Variants in HSPG2 observed in about 807,000 individuals in gnomAD.
HSPG2 encodes the protein basement membrane-specific heparan sulfate proteoglycan core protein.
HSPG2 carries 278 observed loss-of-function variants against 526.6 expected under a neutral mutation model. The observed-to-expected ratio is 0.53, with a 90% CI of 0.48 to 0.58. HSPG2 has a LOEUF of 0.58. Ranked by LOEUF, HSPG2 falls within the 20% of genes least tolerant of loss-of-function variation. The pLI, the probability that HSPG2 is intolerant of heterozygous loss-of-function variation, is 0.00. For synonymous variants in HSPG2, 2,465 were observed against 2,555.4 expected (o/e 0.96, Z 1.07); for missense variants, 5,354 against 6,099.5 (o/e 0.88, Z 4.07).
intron 1 of HSPG2, among the ~76,000 whole-genome samples, chr1:21,921,198 A>G (rs1644029374): frequency 6.6e-6 from 1 of 152,194 alleles, no homozygotes. Flanking sequence ...TGACTTGCCC[A>G]AGGTCATACA....
Position 21,848,751 on chromosome 1 carries a change from G to A in HSPG2, c.7629C>T (p.Ala2543=), listed in dbSNP as rs769873574. ...CCAGGGTGTGTCCATTGGCCAGGGA[G>A]GCTGAGGAGGACTCGATGCGGACGG... is the stretch of plus-strand genomic sequence containing the variant. ...AYPVRIESSS[A]SLANGHTLDL... The change falls in exon 59 of 97, where the codon GCC becomes GCT. Residue 2543 remains alanine, a synonymous_variant. Transcript: ENST00000374695. This position sits in a 1 kb window ranked among gnomAD's most constrained non-coding sequence, Gnocchi z 4.9. 6.2e-7 allele frequency: 1 copy of A among 1,614,012 alleles called. No homozygotes were observed. The highest frequency in any genetic ancestry group is 2.2e-5 in the East Asian group (1 of 44,864).
At position 21,831,724 on chromosome 1, in the gene HSPG2, C is replaced by T; in HGVS notation, c.11280G>A (p.Val3760=). 1 of 1,606,262 alleles carries T rather than the reference C, an allele frequency of 6.2e-7. No individual in the cohort carries two copies. The highest frequency in any genetic ancestry group is 1.1e-5 in the South Asian group (1 of 90,096). ...TPLALGHFHT[V]TLLRSLTQGS... ...CCTGGGTGAGGCTGCGCAGCAGGGT[C>T]ACGGTGTGGAAATGGCCCAGGGCCA... Residue 3760 remains valine (V), a synonymous_variant, in exon 82 of 97, where the codon GTG becomes GTA. Transcript: ENST00000374695.
Position 21,858,059 on chromosome 1 carries a change from T to C in HSPG2, c.5294-674A>G, listed in dbSNP as rs4654991. On this transcript the variant is annotated intron_variant, in intron 42 of 96. Coordinates refer to ENST00000374695, the MANE Select transcript of HSPG2 (RefSeq NM_005529.7). This position sits in a 1 kb window ranked among gnomAD's most constrained non-coding sequence, Gnocchi z 4.2. ...TTCCGAAAACTCCCCCTTGACCTCA[T>C]GCTCTCGCAGTCAATGACCCACTTC... Among the ~76,000 whole-genome samples, 25,477 of 152,152 alleles carry C rather than the reference T, an allele frequency of 0.17. 2,431 individuals are homozygous for C. The highest frequency in any genetic ancestry group is 0.36 in the East Asian group (1,877 of 5,166).
chr1:21,916,567 C>T (rs2152793757), intron 1 of HSPG2, among the ~76,000 whole-genome samples: 1 of 151,312 alleles, frequency 6.6e-6, no homozygotes, highest in East Asian at 1.9e-4. Flanking sequence ...TGGTGTGTGC[C>T]TGTAATCCCC....
chr1:21,879,642 G>A (rs1285613620), intron 17 of HSPG2, among the ~76,000 whole-genome samples: 1 of 121,276 alleles, frequency 8.2e-6, no homozygotes, highest in Admixed American at 9.8e-5. Flanking sequence ...TTGTCTGGAT[G>A]CTGTATCTCT....
Position 21,857,019 on chromosome 1 carries a change from CACATGT to C in HSPG2, c.5565_5570del (p.His1856_Val1857del). ...AGGTATAGATGGGAGGTGTACCCTG[CACATGT>C]AGAGTGGCTGTGCCCTGGTCCATGG... On this transcript the variant is annotated inframe_deletion, in exon 44 of 97. Transcript: ENST00000374695. The C allele has an allele frequency of 6.2e-7, 1 of 1,614,104 alleles. No homozygotes were observed. The highest frequency in any genetic ancestry group is 8.5e-7 in the Non-Finnish European group (1 of 1,179,978).
intron 1 of HSPG2, among the ~76,000 whole-genome samples, chr1:21,901,735 A>T (rs1298453583): frequency 1.3e-5 from 2 of 152,082 alleles, no homozygotes; most frequent in African/African-American, 2.4e-5. Context: ...GGCTCCAGGC[A>T]TGTGGGGATG....
intron 52 of HSPG2, 152 bp downstream of exon 52, chr1:21,852,548 T>C: frequency 6.5e-6 from 7 of 1,084,610 alleles, no homozygotes; most frequent in Non-Finnish European, 9.7e-6. Context: ...AGGCGGTGGT[T>C]ACTCTGACAG....
intron 86 of HSPG2, 83 bp from the exon 87 acceptor site, chr1:21,829,687 C>T: frequency 8.3e-7 from 1 of 1,208,492 alleles, no homozygotes; most frequent in South Asian, 1.4e-5. Context: ...CCTCTGGGAC[C>T]CTTGCCTGCC....
rs1317955333 is a variant in HSPG2, at chr1:21,847,467, T to C, written c.8051A>G (p.His2684Arg). The change falls in exon 62 of 97, where the codon CAC becomes CGC. Residue 2684 changes from histidine to arginine, a missense_variant. Physicochemically the swap from His to Arg is conservative, Grantham distance 29. Coordinates refer to ENST00000374695, the MANE Select transcript of HSPG2 (RefSeq NM_005529.7). This position sits in a 1 kb window ranked among gnomAD's most constrained non-coding sequence, Gnocchi z 4.1. ...HQTHGSHLRLHQMSVADSGEY... is the reference protein window; with the variant it reads ...HQTHGSHLRLRQMSVADSGEY... ...GCCCGAGTCAGCCACAGACATTTGG[T>C]GCAACCGCAGGTGGGAGCCATGGGT... 6.2e-6 allele frequency: 10 copies of C among 1,613,592 alleles called. No individual in the cohort carries two copies. Among genetic ancestry groups the C allele is most frequent in the Admixed American group, 3.3e-5 (2 of 60,000 alleles).
chr1:21,823,372 G>A lies in HSPG2; in HGVS notation c.13120C>T (p.Leu4374=). Residue 4374 remains leucine, a synonymous_variant, in exon 97 of 97, where the codon CTG becomes TTG. Coordinates refer to ENST00000374695, the MANE Select transcript of HSPG2 (RefSeq NM_005529.7). ...GCCTGGGCGCGGTGCTGCAGGTCCA[G>A]GGGCTGTGGGGGCGGGGCGCCGGGT... ...ARPGAPPPQP[L]DLQHRAQAGA... is the part of the protein sequence containing the mutation. 2 of 1,550,764 alleles carry A rather than the reference G, an allele frequency of 1.3e-6. No homozygotes were observed. The highest frequency in any genetic ancestry group is 8.7e-7 in the Non-Finnish European group (1 of 1,152,412).
In HSPG2 at chr1:21,828,819, A is replaced by G. The variant is rs749159655; in HGVS notation, c.12237+16T>C. ...CACCCCTCCCCTCCCGCTTGTCCCG[A>G]GGAGGCTGCTCTTACCTCGCCCACA... On this transcript the variant is annotated intron_variant, in intron 88 of 96. Coordinates refer to ENST00000374695, the MANE Select transcript of HSPG2 (RefSeq NM_005529.7). This position sits in a 1 kb window ranked among gnomAD's most constrained non-coding sequence, Gnocchi z 6.0. 1.9e-6 allele frequency: 3 copies of G among 1,549,266 alleles called. No homozygotes were observed. The highest frequency in any genetic ancestry group is 1.7e-4 in the Middle Eastern group (1 of 5,888).
In HSPG2 at chr1:21,851,889, G is replaced by A; in HGVS notation, c.6908C>T (p.Pro2303Leu). The A allele has an allele frequency of 6.2e-7, 1 of 1,611,374 alleles. No homozygotes were observed. The highest frequency in any genetic ancestry group is 8.5e-7 in the Non-Finnish European group (1 of 1,179,228). Reference protein sequence around the residue: ...GSRLYIFQASPADAGQYVCRA... With the variant: ...GSRLYIFQASLADAGQYVCRA... ...GCAGACGTACTGTCCCGCATCGGCA[G>A]GTGAGGCCTGGAAGATGTACAGGCG... is the stretch of plus-strand genomic sequence containing the variant. The change falls in exon 54 of 97, where the codon CCT becomes CTT. Residue 2303 changes from proline (P) to leucine (L), a missense_variant. Physicochemically the swap from Pro to Leu is moderately conservative, Grantham distance 98. Coordinates refer to ENST00000374695, the MANE Select transcript of HSPG2 (RefSeq NM_005529.7).
intron 42 of HSPG2, 126 bp from the exon 43 acceptor site, chr1:21,857,511 C>T: frequency 1.2e-6 from 1 of 841,234 alleles, no homozygotes; most frequent in Non-Finnish European, 1.9e-6. Flanking sequence ...CTCATTCTAC[C>T]CCCTGGCACC....
intron 65 of HSPG2, among the ~76,000 whole-genome samples, chr1:21,843,678 G>A (rs991095403): frequency 8.6e-5 from 13 of 151,962 alleles, no homozygotes; most frequent in Non-Finnish European, 1.3e-4. Flanking sequence ...ACAGTGTCTC[G>A]CTCTGTCATC....
At chr1:21,910,274 C>A (rs1378789292) in intron 1 of HSPG2, among the ~76,000 whole-genome samples, 1 of 152,226 alleles carries the variant, frequency 6.6e-6, no homozygotes, top group East Asian at 1.9e-4. Flanking sequence ...GTAAGACCTT[C>A]CTGAAATTGT....
At position 21,852,721 on chromosome 1, in the gene HSPG2, T is replaced by C. The variant is rs1478294938; in HGVS notation, c.6703A>G (p.Ile2235Val). 3.7e-6 allele frequency: 6 copies of C among 1,613,416 alleles called. No homozygotes were observed. Among genetic ancestry groups the C allele is most frequent in the Admixed American group, 1.7e-5 (1 of 60,006 alleles). The change falls in exon 52 of 97, where the codon ATC becomes GTC. Residue 2235 changes from isoleucine to valine, a missense_variant. Ile to Val is a conservative substitution (Grantham distance 29, BLOSUM62 3). Coordinates refer to ENST00000374695, the MANE Select transcript of HSPG2 (RefSeq NM_005529.7). The stretch of plus-strand genomic sequence containing the variant: ...TCACCAGGGATGACAGAGGCTTCGA[T>C]GGTGACCAGGACTGAGGCCTCTAGG... ...GPLEASVLVTIEASVIPGPIP... is the reference protein window; with the variant it reads ...GPLEASVLVTVEASVIPGPIP...
At chr1:21,925,622 G>A (rs1246989758) in intron 1 of HSPG2, among the ~76,000 whole-genome samples, 2 of 152,146 alleles carry the variant, frequency 1.3e-5, no homozygotes, top group Non-Finnish European at 2.9e-5. Flanking sequence ...AGGGTAAAAA[G>A]ACACCCGAGT....
intron 1 of HSPG2, among the ~76,000 whole-genome samples, chr1:21,936,930 G>A (rs911195131): frequency 1.3e-5 from 2 of 151,940 alleles, no homozygotes; most frequent in East Asian, 3.9e-4. Flanking sequence ...GGCCAGCCCC[G>A]CCCCCAGCCC....
Sources: gnomAD v4.1 joint callset for allele counts (sites outside exome capture counted in the v4.1 genomes callset) on GRCh38, gnomAD v4.1.1 for gene constraint, Gnocchi (gnomAD v3.1) non-coding constraint, MANE v1.5 for transcripts, NCBI Gene and HGNC (gene_info 2026-07-23, HGNC 2026-07-21) for gene names.